CHST8: variants seen among roughly 807,000 people sequenced by gnomAD.
CHST8 encodes the protein GALNAC-4-ST1.
In CHST8, 10 loss-of-function variants were observed where a neutral mutation model predicts 15.0. That is an observed-to-expected ratio of 0.67 (90% confidence interval 0.41 to 1.13). The LOEUF (loss-of-function observed/expected upper bound fraction) is 1.13, where lower values mean the gene tolerates loss of function less well. CHST8 is among the 50% of genes most tolerant of loss of function. The probability of loss-of-function intolerance (pLI) is 0.00; values close to 1 mark genes in which losing one functional copy is unlikely to be tolerated. For missense variants in CHST8, 634 were observed against 608.2 expected, an observed-to-expected ratio of 1.04 and a Z score of -0.45; for synonymous variants, 259 against 256.6, an observed-to-expected ratio of 1.01 and a Z score of -0.09.
intron 1 of CHST8, among the ~76,000 whole-genome samples, chr19:33,662,154 C>G (rs1972596226): frequency 1.3e-5 from 2 of 152,144 alleles, no homozygotes; most frequent in Admixed American, 1.3e-4. Flanking sequence ...GACCTCGGCT[C>G]ACTGCAGCCT....
chr19:33,676,946 C>T (rs1479631710), intron 2 of CHST8, among the ~76,000 whole-genome samples: 1 of 151,876 alleles, frequency 6.6e-6, no homozygotes, highest in African/African-American at 2.4e-5. Context: ...TGATCTGCTA[C>T]CAAGGGTCAT....
chr19:33,699,979 C>T (rs1973300188), intron 3 of CHST8, among the ~76,000 whole-genome samples: 2 of 152,194 alleles, frequency 1.3e-5, no homozygotes, highest in African/African-American at 2.4e-5. Context: ...AGAAGTGCAG[C>T]GGCCACCCCT....
At chr19:33,656,626 C>T (rs1972513003) in intron 1 of CHST8, among the ~76,000 whole-genome samples, 2 of 152,056 alleles carry the variant, frequency 1.3e-5, no homozygotes, top group South Asian at 4.2e-4. Context: ...GCCTTGAAAT[C>T]CAGGGCTCAG....
chr19:33,665,865 C>T (rs979780891), intron 1 of CHST8, among the ~76,000 whole-genome samples: 3 of 152,182 alleles, frequency 2.0e-5, no homozygotes, highest in Non-Finnish European at 4.4e-5. Flanking sequence ...CCCAGTGGCC[C>T]ACCCAGCTCT....
At chr19:33,748,493 G>A (rs1234065082) in intron 3 of CHST8, among the ~76,000 whole-genome samples, 3 of 152,220 alleles carry the variant, frequency 2.0e-5, no homozygotes, top group Non-Finnish European at 4.4e-5. Context: ...TTCCTGGCCT[G>A]AGGTTCCACT....
intron 2 of CHST8, among the ~76,000 whole-genome samples, chr19:33,683,088 T>G (rs1972917268): frequency 6.6e-6 from 1 of 152,178 alleles, no homozygotes; most frequent in Admixed American, 6.5e-5. Flanking sequence ...ATGAACTGAA[T>G]GAGAACCAAC....
intron 3 of CHST8, among the ~76,000 whole-genome samples, chr19:33,729,625 T>G (rs1037902421): frequency 1.3e-5 from 2 of 152,158 alleles, no homozygotes; most frequent in African/African-American, 4.8e-5. Flanking sequence ...CATAGGGAAA[T>G]TGTAACCATC....
At chr19:33,757,505 A>G (rs1375876783) in intron 3 of CHST8, among the ~76,000 whole-genome samples, 4 of 61,490 alleles carry the variant, frequency 6.5e-5, no homozygotes, top group Non-Finnish European at 1.3e-4. Flanking sequence ...AAAGAAAGAA[A>G]GAAAGAAAGA....
At chr19:33,759,214 C>A (rs1400861553) in intron 3 of CHST8, among the ~76,000 whole-genome samples, 1 of 152,138 alleles carries the variant, frequency 6.6e-6, no homozygotes, top group East Asian at 1.9e-4. Flanking sequence ...TCAAGACAGC[C>A]CCTTTATGGG....
chr19:33,764,558 C>G (rs1974794282), intron 3 of CHST8, among the ~76,000 whole-genome samples: 1 of 152,160 alleles, frequency 6.6e-6, no homozygotes, highest in Admixed American at 6.5e-5. Context: ...GAGACCCTGT[C>G]TGTACTGGGT....
At chr19:33,676,062 G>A (rs929412101) in intron 2 of CHST8, among the ~76,000 whole-genome samples, 2 of 151,948 alleles carry the variant, frequency 1.3e-5, no homozygotes, top group Non-Finnish European at 2.9e-5. Context: ...GCTGAGGCAG[G>A]AGGATCACTT....
intron 3 of CHST8, among the ~76,000 whole-genome samples, chr19:33,710,211 TG>T (rs1973521981): frequency 6.6e-6 from 1 of 152,152 alleles, no homozygotes; most frequent in Non-Finnish European, 1.5e-5. Flanking sequence ...GTTAGTAGTT[TG>T]TATTGTCTCT....
At chr19:33,689,423 GC>G in intron 3 of CHST8, 32 bp downstream of exon 3, 1 of 1,526,186 alleles carries the variant, frequency 6.6e-7, no homozygotes, top group Non-Finnish European at 8.8e-7. Flanking sequence ...TGCCATCACT[GC>G]CCCCAGCTTT....
intron 2 of CHST8, among the ~76,000 whole-genome samples, chr19:33,683,880 G>A (rs1001890920): frequency 3.3e-5 from 5 of 152,236 alleles, no homozygotes; most frequent in African/African-American, 9.6e-5. Flanking sequence ...TCGGGGCACT[G>A]AGTCAGCATT....
intron 2 of CHST8, among the ~76,000 whole-genome samples, chr19:33,683,778 G>C (rs1347666896): frequency 6.6e-6 from 1 of 152,222 alleles, no homozygotes; most frequent in South Asian, 2.1e-4. Context: ...TCCCGATTCA[G>C]AGGCAGGTGG....
chr19:33,748,208 C>T (rs1406401003), intron 3 of CHST8, among the ~76,000 whole-genome samples: 4 of 152,230 alleles, frequency 2.6e-5, no homozygotes, highest in Admixed American at 1.3e-4. Context: ...TCGCCAGGCC[C>T]AGGCACTCAG....
At chr19:33,656,908 A>G (rs993080948) in intron 1 of CHST8, among the ~76,000 whole-genome samples, 2 of 152,116 alleles carry the variant, frequency 1.3e-5, no homozygotes, top group African/African-American at 2.4e-5. Context: ...TTTATAATGT[A>G]TCTTCTATAT....
At chr19:33,647,858 T>TAAATA (rs918494211) in intron 1 of CHST8, among the ~76,000 whole-genome samples, 2 of 150,984 alleles carry the variant, frequency 1.3e-5, no homozygotes, top group African/African-American at 4.9e-5. Flanking sequence ...AATAAATAAA[T>TAAATA]AAATAAAATA....
intron 3 of CHST8, among the ~76,000 whole-genome samples, chr19:33,734,140 G>A (rs1262779425): frequency 6.6e-6 from 1 of 152,204 alleles, no homozygotes; most frequent in Non-Finnish European, 1.5e-5. Context: ...ACAGGTTGCA[G>A]TAAGGAAGCC....
Sources: allele counts gnomAD v4.1 joint callset (sites outside exome capture counted in the v4.1 genomes callset), GRCh38; gene constraint gnomAD v4.1.1; transcripts MANE v1.5; gene names NCBI Gene and HGNC (gene_info 2026-07-23, HGNC 2026-07-21).